The following COL24A1 variants were observed in gnomAD, a reference collection of about 807,000 sequenced individuals.
COL24A1 encodes collagen alpha-1(XXIV) chain.
A neutral mutation model predicts 253.9 loss-of-function variants in COL24A1; 224 were observed. That is an observed-to-expected ratio of 0.88 (90% CI 0.79 to 0.99). The LOEUF (loss-of-function observed/expected upper bound fraction) is 0.99, where lower values mean the gene tolerates loss of function less well. COL24A1 is among the 50% of genes least tolerant of loss of function. The pLI is 0.00. For synonymous variants in COL24A1, 685 were observed against 673.7 expected (o/e 1.02, Z -0.26); for missense variants, 2,131 against 2,068.5 (o/e 1.03, Z -0.59).
chr1:85,993,685 G>A lies in COL24A1; in HGVS notation c.2311-6031C>T, dbSNP rs573075079. Among the ~76,000 whole-genome samples the A allele has an allele frequency of 5.9e-4, 90 of 152,064 alleles. No homozygotes were observed. The South Asian group carries it at 0.016, about 27-fold the overall frequency. On this transcript the variant is annotated intron_variant, in intron 19 of 59. Coordinates refer to ENST00000370571, the MANE Select transcript of COL24A1 (RefSeq NM_152890.7). ...TACATATGTCAAAAATTATCAAATTGTAAAATTTAAATATAGGCAGCTTAT... is the reference window on the plus strand; with the variant it reads ...TACATATGTCAAAAATTATCAAATTATAAAATTTAAATATAGGCAGCTTAT...
At chr1:85,934,996 A>C (rs969756786) in intron 24 of COL24A1, among the ~76,000 whole-genome samples, 19 of 152,116 alleles carry the variant, frequency 1.2e-4, no homozygotes, top group Non-Finnish European at 2.8e-4. Context: ...GCTGTGTTTC[A>C]AGATCCAGAC....
intron 1 of COL24A1, 122 bp from the exon 2 acceptor site, chr1:86,146,305 T>C: frequency 1.3e-6 from 1 of 752,524 alleles, no homozygotes; most frequent in Non-Finnish European, 2.1e-6. Flanking sequence ...CATGATATTT[T>C]AATATTCATA....
intron 5 of COL24A1, among the ~76,000 whole-genome samples, chr1:86,095,259 A>T (rs1178844398): frequency 1.3e-5 from 2 of 152,110 alleles, no homozygotes; most frequent in Non-Finnish European, 2.9e-5. Flanking sequence ...AGTGGGCAAA[A>T]GTAATCAATT....
intron 7 of COL24A1, among the ~76,000 whole-genome samples, chr1:86,071,195 G>C (rs1322149920): frequency 6.6e-6 from 1 of 151,908 alleles, no homozygotes; most frequent in Non-Finnish European, 1.5e-5. Flanking sequence ...TGGGATATAA[G>C]ATAGTATTTG....
chr1:86,023,083 A>G, intron 14 of COL24A1, 76 bp from the exon 15 acceptor site: 1 of 1,416,740 alleles, frequency 7.1e-7, no homozygotes, highest in Middle Eastern at 1.8e-4. Context: ...GAATTAATAA[A>G]TTAATGAACC....
rs115787351 is a variant in COL24A1 at position 86,135,424 on chromosome 1, T to A, written c.122-9210A>T. Among the ~76,000 whole-genome samples the A allele has an allele frequency of 1.9e-3, 293 of 151,958 alleles. 2 individuals are homozygous for A. Among genetic ancestry groups the A allele is most frequent in the African/African-American group, 6.8e-3 (284 of 41,540 alleles). ...TAGCTGGTTATTTTGCTCATTAGTT[T>A]ACGATTTTCTTCTTTAAAAATTCGT... On this transcript the variant is annotated intron_variant, in intron 2 of 59. Transcript: ENST00000370571.
chr1:86,013,102 C>A (rs1559004531), intron 19 of COL24A1, among the ~76,000 whole-genome samples: 1 of 152,150 alleles, frequency 6.6e-6, no homozygotes, highest in Admixed American at 6.5e-5. Flanking sequence ...AGGAAAGGCC[C>A]AGGGAATTGA....
chr1:85,945,000 G>GTTTCTTTTTT (rs1008837671), intron 24 of COL24A1, among the ~76,000 whole-genome samples: 1 of 36,124 alleles, frequency 2.8e-5, no homozygotes, highest in African/African-American at 9.6e-5. Context: ...GTCTATCATT[G>GTTTCTTTTTT]TGTTTTTTTT....
chr1:85,760,427 A>G (rs1408725727), intron 55 of COL24A1, among the ~76,000 whole-genome samples: 1 of 152,128 alleles, frequency 6.6e-6, no homozygotes, highest in South Asian at 2.1e-4. Flanking sequence ...GTGATTTTTT[A>G]AAATCACAGA....
At chr1:85,873,195 G>C (rs1416161801) in intron 35 of COL24A1, among the ~76,000 whole-genome samples, 1 of 152,240 alleles carries the variant, frequency 6.6e-6, no homozygotes, top group Admixed American at 6.5e-5. Context: ...ACAAATGCTG[G>C]AGAGGAGGAT....
intron 12 of COL24A1, among the ~76,000 whole-genome samples, chr1:86,040,644 A>G (rs1699410182): frequency 6.6e-6 from 1 of 151,772 alleles, no homozygotes; most frequent in African/African-American, 2.4e-5. Context: ...GTCTATGCCA[A>G]CCCTGTGGTG....
chr1:86,089,816 G>T (rs556244023), intron 6 of COL24A1, among the ~76,000 whole-genome samples: 1 of 152,276 alleles, frequency 6.6e-6, no homozygotes, highest in South Asian at 2.1e-4. Context: ...GTGAAACTCT[G>T]TCTCTGTCTC....
chr1:85,945,487 G>A (rs1689247764), intron 24 of COL24A1, among the ~76,000 whole-genome samples: 2 of 150,878 alleles, frequency 1.3e-5, no homozygotes, highest in South Asian at 4.2e-4. Context: ...CTCTTGTACT[G>A]GAGTTCTGTA....
chr1:86,137,625 T>C (rs1172524589), intron 2 of COL24A1, among the ~76,000 whole-genome samples: 3 of 152,138 alleles, frequency 2.0e-5, no homozygotes, highest in Non-Finnish European at 4.4e-5. Flanking sequence ...TAAATGGTGG[T>C]GTCACCAAGA....
chr1:85,965,974 C>A (rs1309246550), intron 22 of COL24A1, among the ~76,000 whole-genome samples: 2 of 152,066 alleles, frequency 1.3e-5, no homozygotes, highest in East Asian at 3.9e-4. Context: ...AAGCCTCAGA[C>A]AACTTTAAGG....
intron 18 of COL24A1, among the ~76,000 whole-genome samples, chr1:86,021,151 A>C (rs958455090): frequency 7.2e-5 from 11 of 152,210 alleles, no homozygotes; most frequent in African/African-American, 2.7e-4. Flanking sequence ...GTAGAGTTAG[A>C]GGGAACACAA....
chr1:86,072,208 C>T (rs530495888), intron 7 of COL24A1, among the ~76,000 whole-genome samples: 2 of 152,296 alleles, frequency 1.3e-5, no homozygotes, highest in African/African-American at 4.8e-5. Context: ...GCCAAGTGGT[C>T]TAGTTCAGTG....
intron 43 of COL24A1, among the ~76,000 whole-genome samples, chr1:85,828,463 A>T (rs1012385893): frequency 6.6e-6 from 1 of 151,206 alleles, no homozygotes; most frequent in Admixed American, 6.6e-5. Context: ...GCTGAGTTGA[A>T]TTCCTGGGTA....
chr1:86,132,344 T>C (rs1649381736), intron 2 of COL24A1, among the ~76,000 whole-genome samples: 1 of 152,216 alleles, frequency 6.6e-6, no homozygotes, highest in South Asian at 2.1e-4. Context: ...TAGTTTCTTT[T>C]GCTGTGCAGA....
Sources: allele counts gnomAD v4.1 joint callset (sites outside exome capture counted in the v4.1 genomes callset), GRCh38; gene constraint gnomAD v4.1.1; transcripts MANE v1.5; gene names NCBI Gene and HGNC (gene_info 2026-07-23, HGNC 2026-07-21).